The following C12orf56 variants were observed in gnomAD, a reference collection of about 807,000 sequenced individuals.
C12orf56 encodes the protein uncharacterized protein C12orf56.
In C12orf56, 71 loss-of-function variants were observed where a neutral mutation model predicts 69.9. The observed-to-expected ratio is 1.02, with a 90% CI of 0.84 to 1.24. The LOEUF (loss-of-function observed/expected upper bound fraction) is 1.24, where lower values mean the gene tolerates loss of function less well. Among genes scored for constraint, C12orf56 ranks in the 50% most tolerant of loss-of-function variants. The pLI, the probability that C12orf56 is intolerant of heterozygous loss-of-function variation, is 0.00. For missense variants in C12orf56, 732 were observed against 738.5 expected (o/e 0.99, Z 0.10); for synonymous variants, 276 against 274.1 (o/e 1.01, Z -0.07).
intron 3 of C12orf56, among the ~76,000 whole-genome samples, chr12:64,325,891 C>T (rs868289004): frequency 5.1e-4 from 77 of 152,234 alleles, no homozygotes; most frequent in African/African-American, 1.8e-3. Flanking sequence ...CCCCAAAGAT[C>T]TTTTTTATAG....
At chr12:64,306,765 G>A (rs944562497) in intron 5 of C12orf56, among the ~76,000 whole-genome samples, 1 of 152,108 alleles carries the variant, frequency 6.6e-6, no homozygotes, top group Admixed American at 6.6e-5. Flanking sequence ...CATTTGTAAA[G>A]CACTGGAAAG....
At chr12:64,374,573 T>C (rs1186989789) in intron 1 of C12orf56, among the ~76,000 whole-genome samples, 1 of 151,450 alleles carries the variant, frequency 6.6e-6, no homozygotes, top group Non-Finnish European at 1.5e-5. Flanking sequence ...CGAGATGGAG[T>C]CTCGCTGTCA....
At chr12:64,268,420 C>A (rs1304403409) in intron 12 of C12orf56, among the ~76,000 whole-genome samples, 2 of 130,066 alleles carry the variant, frequency 1.5e-5, no homozygotes, top group Non-Finnish European at 3.4e-5. Flanking sequence ...GTGGATGAAC[C>A]TTGAAAACAT....
In C12orf56 at chr12:64,313,741, G is replaced by C. The variant is rs1372400788; in HGVS notation, c.895-989C>G. ...ATGGTGGATGGTTTTTCATGTCTGT[G>C]TATATAGATTTACCGATTTACAGCC... On this transcript the variant is annotated intron_variant, in intron 4 of 12. Transcript: ENST00000543942. Among the ~76,000 whole-genome samples the C allele has an allele frequency of 2.0e-5, 3 of 151,598 alleles. No homozygotes were observed. The South Asian group carries it at 6.2e-4, about 32-fold the overall frequency.
intron 1 of C12orf56, among the ~76,000 whole-genome samples, chr12:64,387,077 C>CAACAAAA (rs1201123599): frequency 1.4e-4 from 6 of 42,086 alleles, no homozygotes; most frequent in African/African-American, 6.6e-4. Flanking sequence ...GACTCTATCT[C>CAACAAAA]AAAAAAAAAA....
At chr12:64,363,461 G>T (rs888364801) in intron 1 of C12orf56, among the ~76,000 whole-genome samples, 36 of 152,158 alleles carry the variant, frequency 2.4e-4, no homozygotes, top group African/African-American at 8.4e-4. Flanking sequence ...CCACGAGGGG[G>T]ATATCATCTC....
chr12:64,281,820 T>C (rs1026790227), intron 8 of C12orf56, among the ~76,000 whole-genome samples: 12 of 151,746 alleles, frequency 7.9e-5, no homozygotes, highest in African/African-American at 2.9e-4. Context: ...AACAAAACAA[T>C]TAAAGGCAAC....
At chr12:64,275,084 AT>A (rs1201488949) in intron 10 of C12orf56, 109 bp from the exon 11 acceptor site, 1 of 1,137,102 alleles carries the variant, frequency 8.8e-7, no homozygotes, top group Non-Finnish European at 1.3e-6. Flanking sequence ...AATCCTTAAA[AT>A]CAGTTTTGGA....
intron 1 of C12orf56, among the ~76,000 whole-genome samples, chr12:64,374,295 G>T (rs180810480): frequency 1.1e-4 from 16 of 152,180 alleles, no homozygotes; most frequent in African/African-American, 3.6e-4. Context: ...TTCAAATCCT[G>T]GCCCTAGGAA....
chr12:64,367,627 T>C (rs2039515120), intron 1 of C12orf56, among the ~76,000 whole-genome samples: 1 of 150,544 alleles, frequency 6.6e-6, no homozygotes, highest in Admixed American at 6.7e-5. Flanking sequence ...TGCCTCAGCC[T>C]CCCGAGTAGC....
chr12:64,351,265 G>A (rs1295197772), intron 2 of C12orf56, among the ~76,000 whole-genome samples: 5 of 152,252 alleles, frequency 3.3e-5, no homozygotes, highest in Non-Finnish European at 7.4e-5. Flanking sequence ...CTTGTTAGAG[G>A]AGGACTCAAT....
intron 2 of C12orf56, among the ~76,000 whole-genome samples, chr12:64,351,963 G>A (rs1008377681): frequency 1.3e-5 from 2 of 151,920 alleles, no homozygotes; most frequent in South Asian, 2.1e-4. Flanking sequence ...TACTCCCTTC[G>A]GATACATCCT....
chr12:64,355,182 T>A (rs991442695), intron 1 of C12orf56, among the ~76,000 whole-genome samples: 47 of 151,828 alleles, frequency 3.1e-4, no homozygotes, highest in African/African-American at 9.9e-4. Context: ...CCTGTGATCA[T>A]GCAGTTTCAT....
At chr12:64,358,500 C>A (rs796602793) in intron 1 of C12orf56, among the ~76,000 whole-genome samples, 21,689 of 107,554 alleles carry the variant, frequency 0.2, 2,042 homozygotes, top group East Asian at 0.4. Flanking sequence ...TCATCATCAT[C>A]ATCATCATCT....
intron 1 of C12orf56, among the ~76,000 whole-genome samples, chr12:64,381,932 T>C (rs2039723520): frequency 6.6e-6 from 1 of 152,140 alleles, no homozygotes; most frequent in South Asian, 2.1e-4. Flanking sequence ...TTTGAACACA[T>C]TGAACTTGAT....
At chr12:64,324,200 A>G (rs1024558563) in intron 3 of C12orf56, among the ~76,000 whole-genome samples, 2 of 152,232 alleles carry the variant, frequency 1.3e-5, no homozygotes, top group Admixed American at 6.5e-5. Flanking sequence ...TTCAACAAAT[A>G]TTAAGCACCT....
chr12:64,267,201 A>T lies in C12orf56; in HGVS notation c.1851T>A (p.Val617=), dbSNP rs769775401. Reference sequence around the variant, plus strand: ...TTTGTTTCTATTCAACCAATTTCAGAACTTCATGAAAAAGTTGAATGGTAG... The same window carrying T: ...TTTGTTTCTATTCAACCAATTTCAGTACTTCATGAAAAAGTTGAATGGTAG... ...TQPTIQLFHE[V]LKLVE is the part of the protein sequence containing the mutation. Residue 617 remains valine, a synonymous_variant, in exon 13 of 13, where the codon GTT becomes GTA. Coordinates refer to ENST00000543942, the MANE Select transcript of C12orf56 (RefSeq NM_001170633.2). The T allele has an allele frequency of 2.4e-5, 38 of 1,608,336 alleles. No homozygotes were observed. The highest frequency in any genetic ancestry group is 3.1e-5 in the Non-Finnish European group (36 of 1,176,768).
chr12:64,300,756 TTATG>T (rs1394745398), intron 6 of C12orf56, among the ~76,000 whole-genome samples: 1 of 152,230 alleles, frequency 6.6e-6, no homozygotes, highest in Non-Finnish European at 1.5e-5. Context: ...TTGCTCACTC[TTATG>T]TAGAGATCAC....
At chr12:64,338,999 C>T (rs2039035328) in intron 2 of C12orf56, among the ~76,000 whole-genome samples, 1 of 152,136 alleles carries the variant, frequency 6.6e-6, no homozygotes, top group Non-Finnish European at 1.5e-5. Context: ...TAATTTTCAC[C>T]ATATATTTCC....
Sources: allele counts gnomAD v4.1 joint callset (sites outside exome capture counted in the v4.1 genomes callset), GRCh38; gene constraint gnomAD v4.1.1; transcripts MANE v1.5; gene names NCBI Gene and HGNC (gene_info 2026-07-23, HGNC 2026-07-21).